CHST9: variants seen among roughly 807,000 people sequenced by gnomAD.
The protein encoded by CHST9 is GalNAc-4-sulfotransferase 2.
CHST9 carries 41 observed loss-of-function variants against 44.4 expected under a neutral mutation model. The ratio of observed to expected loss-of-function variants is 0.92; its 90% confidence interval spans 0.72 to 1.20. The LOEUF (loss-of-function observed/expected upper bound fraction) is 1.20, where lower values mean the gene tolerates loss of function less well. CHST9 is among the 50% of genes most tolerant of loss of function. The pLI is 0.00. For synonymous variants in CHST9, 171 were observed against 178.4 expected (o/e 0.96, Z 0.33); for missense variants, 504 against 516.5 (o/e 0.98, Z 0.23).
chr18:26,953,451 T>C (rs2056279123), intron 4 of CHST9, among the ~76,000 whole-genome samples: 1 of 152,020 alleles, frequency 6.6e-6, no homozygotes, highest in African/African-American at 2.4e-5. Context: ...AAAGGAACAT[T>C]AAACTGGTAA....
intron 4 of CHST9, among the ~76,000 whole-genome samples, chr18:27,007,509 G>T (rs1467229338): frequency 6.6e-6 from 1 of 152,194 alleles, no homozygotes; most frequent in Non-Finnish European, 1.5e-5. Flanking sequence ...AGAGACATTG[G>T]CTTACAAGAG....
intron 2 of CHST9, among the ~76,000 whole-genome samples, chr18:27,140,262 C>T (rs2058554166): frequency 6.6e-6 from 1 of 152,154 alleles, no homozygotes; most frequent in Non-Finnish European, 1.5e-5. Flanking sequence ...GCCCCTTATC[C>T]CTCTGGAGTC....
intron 2 of CHST9, among the ~76,000 whole-genome samples, chr18:27,059,059 T>A (rs1243327377): frequency 6.6e-6 from 1 of 152,214 alleles, no homozygotes; most frequent in Admixed American, 6.5e-5. Context: ...CATTTTAGCA[T>A]CTAAAATTAT....
chr18:26,980,239 A>G (rs551822850), intron 4 of CHST9, among the ~76,000 whole-genome samples: 1 of 152,330 alleles, frequency 6.6e-6, no homozygotes, highest in African/African-American at 2.4e-5. Context: ...TCTTCCAAAG[A>G]AGACTATGAG....
At position 26,946,641 on chromosome 18, in the gene CHST9, T is replaced by C. The variant is rs540913796; in HGVS notation, c.203-2275A>G. Among the ~76,000 whole-genome samples, 284 of 152,368 alleles carry C rather than the reference T, an allele frequency of 1.9e-3. 1 individual carries two copies. The highest frequency in any genetic ancestry group is 1.6e-3 in the Non-Finnish European group (106 of 68,036). Reference sequence around the variant, plus strand: ...TGCCTAGGTTTTCTTCTAGGGTTTTTATGGTTTTAGGTCTTACGTTTAAGT... The same window carrying C: ...TGCCTAGGTTTTCTTCTAGGGTTTTCATGGTTTTAGGTCTTACGTTTAAGT... On this transcript the variant is annotated intron_variant, in intron 4 of 5. Coordinates refer to ENST00000618847, the MANE Select transcript of CHST9 (RefSeq NM_031422.6).
chr18:26,963,433 C>A (rs2056425301), intron 4 of CHST9, among the ~76,000 whole-genome samples: 1 of 151,948 alleles, frequency 6.6e-6, no homozygotes, highest in Non-Finnish European at 1.5e-5. Context: ...TATTACTGAG[C>A]CGTTGGGTCT....
intron 4 of CHST9, among the ~76,000 whole-genome samples, chr18:27,011,418 G>A (rs752595866): frequency 1.3e-5 from 2 of 152,108 alleles, no homozygotes; most frequent in African/African-American, 4.8e-5. Context: ...CGCCCAGGCA[G>A]AATAGAAGAG....
At chr18:27,091,659 C>G (rs902209126) in intron 2 of CHST9, among the ~76,000 whole-genome samples, 5 of 152,022 alleles carry the variant, frequency 3.3e-5, no homozygotes, top group Non-Finnish European at 7.4e-5. Context: ...GCATGAAGGG[C>G]TGTTGAATTT....
chr18:26,971,410 A>G (rs2056540711), intron 4 of CHST9, among the ~76,000 whole-genome samples: 1 of 152,272 alleles, frequency 6.6e-6, no homozygotes, highest in African/African-American at 2.4e-5. Context: ...CATTGTTGTC[A>G]GTACTCAGGA....
chr18:27,140,671 C>CCATTCATT (rs556443946), intron 2 of CHST9, among the ~76,000 whole-genome samples: 4 of 152,014 alleles, frequency 2.6e-5, no homozygotes, highest in African/African-American at 7.2e-5. Context: ...AATTTTCAAT[C>CCATTCATT]CATTCATTCA....
At chr18:26,964,524 T>C (rs2056440335) in intron 4 of CHST9, among the ~76,000 whole-genome samples, 1 of 152,236 alleles carries the variant, frequency 6.6e-6, no homozygotes, top group Non-Finnish European at 1.5e-5. Context: ...GAAGTTCTAG[T>C]GTTCTTCAGG....
chr18:27,129,895 T>C (rs2058457375), intron 2 of CHST9, among the ~76,000 whole-genome samples: 1 of 151,940 alleles, frequency 6.6e-6, no homozygotes, highest in African/African-American at 2.4e-5. Context: ...AACTTCCTAA[T>C]TCTAGGTTTT....
At chr18:26,934,816 C>T (rs2055957713) in intron 5 of CHST9, 1 of 152,174 alleles carries the variant, frequency 6.6e-6, no homozygotes, top group Non-Finnish European at 1.5e-5. Flanking sequence ...TTCCACGATC[C>T]TTCCCTGAAC....
chr18:26,934,941 T>G (rs895697434), intron 5 of CHST9: 7 of 152,112 alleles, frequency 4.6e-5, no homozygotes, highest in Non-Finnish European at 8.8e-5. Context: ...GTGTTTCAGG[T>G]TTTTAGTTTT....
intron 5 of CHST9, among the ~76,000 whole-genome samples, chr18:26,939,078 C>T (rs1308715555): frequency 2.6e-5 from 4 of 152,160 alleles, no homozygotes; most frequent in Non-Finnish European, 5.9e-5. Context: ...CAAACACAAT[C>T]TCTTCCCTTT....
intron 2 of CHST9, among the ~76,000 whole-genome samples, chr18:27,123,026 G>C (rs1486116063): frequency 6.6e-6 from 1 of 152,160 alleles, no homozygotes; most frequent in African/African-American, 2.4e-5. Flanking sequence ...TGTTCTTGTG[G>C]TGCCAATTAA....
intron 5 of CHST9, among the ~76,000 whole-genome samples, chr18:26,939,831 C>A (rs2056056286): frequency 6.6e-6 from 1 of 152,184 alleles, no homozygotes; most frequent in African/African-American, 2.4e-5. Context: ...TCCAGGTCTT[C>A]TGGTTACTGA....
intron 3 of CHST9, among the ~76,000 whole-genome samples, chr18:27,039,930 A>G (rs2057426896): frequency 6.6e-6 from 1 of 152,148 alleles, no homozygotes; most frequent in African/African-American, 2.4e-5. Context: ...CAGGTTTTGA[A>G]TGTAGTGTTT....
At chr18:27,045,766 G>A (rs1389382495) in intron 3 of CHST9, among the ~76,000 whole-genome samples, 2 of 152,088 alleles carry the variant, frequency 1.3e-5, no homozygotes, top group African/African-American at 4.8e-5. Flanking sequence ...CTCTTGTGAA[G>A]TTATTTCTGG....
Sources: gnomAD v4.1 joint callset for allele counts (sites outside exome capture counted in the v4.1 genomes callset) on GRCh38, gnomAD v4.1.1 for gene constraint, MANE v1.5 for transcripts, NCBI Gene and HGNC (gene_info 2026-07-23, HGNC 2026-07-21) for gene names.